The following SLC9B1 variants were observed in gnomAD, a reference collection of about 807,000 sequenced individuals.
The protein encoded by SLC9B1 is solute carrier family 9 member B1.
A neutral mutation model predicts 51.7 loss-of-function variants in SLC9B1; 32 were observed. The ratio of observed to expected loss-of-function variants is 0.62; its 90% CI spans 0.47 to 0.83. The LOEUF is 0.83. SLC9B1 is among the 40% of genes least tolerant of loss of function. The pLI, the probability that SLC9B1 is intolerant of heterozygous loss-of-function variation, is 0.00. For missense variants in SLC9B1, 406 were observed against 613.2 expected (o/e 0.66, Z 3.57); for synonymous variants, 145 against 212.7 (o/e 0.68, Z 2.77).
intron 5 of SLC9B1, among the ~76,000 whole-genome samples, chr4:102,946,366 A>C (rs2110473603): frequency 6.6e-6 from 1 of 152,160 alleles, no homozygotes; most frequent in Admixed American, 6.5e-5. Context: ...GCTGGAGTGC[A>C]GTGGCACTAT....
intron 1 of SLC9B1, among the ~76,000 whole-genome samples, chr4:102,994,910 T>C (rs1740137214): frequency 6.6e-6 from 1 of 152,078 alleles, no homozygotes; most frequent in African/African-American, 2.4e-5. Flanking sequence ...CCCTGACACA[T>C]GGGGATTATT....
chr4:102,974,017 CCT>C (rs1738900595), intron 3 of SLC9B1, among the ~76,000 whole-genome samples: 1 of 151,882 alleles, frequency 6.6e-6, no homozygotes, highest in Non-Finnish European at 1.5e-5. Context: ...GGGCGGATTA[CCT>C]GAGGTCGGGA....
intron 11 of SLC9B1, among the ~76,000 whole-genome samples, chr4:102,902,051 G>A (rs1402573824): frequency 1.3e-5 from 2 of 152,142 alleles, no homozygotes; most frequent in East Asian, 3.8e-4. Context: ...TGCCCTGCCA[G>A]GTCAGAGAAT....
intron 1 of SLC9B1, among the ~76,000 whole-genome samples, chr4:103,006,803 T>G (rs564369805): frequency 1.3e-5 from 2 of 152,204 alleles, no homozygotes; most frequent in East Asian, 3.8e-4. Flanking sequence ...CAAGTAGACT[T>G]TATCCCTGGC....
At chr4:102,900,747 T>C (rs139759632), downstream of SLC9B1, among the ~76,000 whole-genome samples, 4,084 of 152,240 alleles carry the variant, frequency 0.027, 91 homozygotes, top group African/African-American at 0.089. Flanking sequence ...ATTTGGAAAC[T>C]TAGGCTATCT....
chr4:102,918,170 TAAGAAAAAAAATA>T (rs1735682168), intron 7 of SLC9B1, among the ~76,000 whole-genome samples: 1 of 151,150 alleles, frequency 6.6e-6, no homozygotes, highest in South Asian at 2.1e-4. Context: ...CTAGAATATT[TAAGAAAAAAAATA>T]AAGAAGACTC....
intron 1 of SLC9B1, among the ~76,000 whole-genome samples, chr4:103,005,343 A>G (rs1401617168): frequency 6.6e-6 from 1 of 152,124 alleles, no homozygotes; most frequent in East Asian, 1.9e-4. Context: ...ACAGTGATGA[A>G]AAAAGATGAC....
chr4:102,945,306 C>A lies in SLC9B1; in HGVS notation c.540G>T (p.Leu180Phe). Residue 180 changes from leucine to phenylalanine, a missense_variant, in exon 6 of 12, where the codon TTG (leucine) becomes TTT (phenylalanine). Physicochemically the swap from Leu to Phe is conservative, Grantham distance 22 (BLOSUM62 0). This residue lies in a region of SLC9B1 where 250 missense variants were observed against 394.1 expected (regional missense o/e 0.63). Coordinates refer to ENST00000296422, the MANE Select transcript of SLC9B1 (RefSeq NM_139173.4). Reference protein sequence around the residue: ...LGLDPQALRHLKVVCFRLAVG... With the variant: ...LGLDPQALRHFKVVCFRLAVG... ...CAGCCAATCTGAAACAAACGACCTTCAAATGCCTCAAAGCCTGAAACACAA... is the reference window on the plus strand; with the variant it reads ...CAGCCAATCTGAAACAAACGACCTTAAAATGCCTCAAAGCCTGAAACACAA... The A allele has an allele frequency of 6.3e-7, 1 of 1,596,590 alleles. No homozygotes were observed. Among genetic ancestry groups the A allele is most frequent in the Non-Finnish European group, 8.6e-7 (1 of 1,168,672 alleles).
At chr4:102,972,303 G>A (rs141937873) in intron 3 of SLC9B1, among the ~76,000 whole-genome samples, 2,556 of 152,232 alleles carry the variant, frequency 0.017, 72 homozygotes, top group African/African-American at 0.055. Context: ...CTATCAAGTC[G>A]GCTTCATCCC....
chr4:102,979,378 CAGT>C (rs1739234965), intron 3 of SLC9B1, among the ~76,000 whole-genome samples: 2 of 152,254 alleles, frequency 1.3e-5, no homozygotes, highest in East Asian at 3.9e-4. Context: ...TTGTTATTCT[CAGT>C]AGTAAACACA....
At chr4:102,943,109 A>G (rs1170766966) in intron 6 of SLC9B1, among the ~76,000 whole-genome samples, 2 of 151,982 alleles carry the variant, frequency 1.3e-5, no homozygotes, top group South Asian at 2.1e-4. Context: ...GGAAATGCAA[A>G]CAAAACCACA....
intron 6 of SLC9B1, among the ~76,000 whole-genome samples, chr4:102,939,731 G>C (rs1004668644): frequency 3.3e-5 from 5 of 152,224 alleles, no homozygotes; most frequent in Non-Finnish European, 4.4e-5. Context: ...TTATCCCTGG[G>C]ATGCAAGTTT....
intron 2 of SLC9B1, among the ~76,000 whole-genome samples, chr4:102,991,284 T>C (rs1176632036): frequency 1.3e-5 from 2 of 152,144 alleles, no homozygotes; most frequent in East Asian, 3.9e-4. Flanking sequence ...AATAAAAAAC[T>C]TGGGTCTCTT....
At chr4:102,942,260 T>A (rs1737043147) in intron 6 of SLC9B1, among the ~76,000 whole-genome samples, 2 of 152,222 alleles carry the variant, frequency 1.3e-5, no homozygotes, top group South Asian at 2.1e-4. Flanking sequence ...AGAATCAATA[T>A]TGTGAAAATG....
intron 6 of SLC9B1, among the ~76,000 whole-genome samples, chr4:102,934,894 TACTTCAAAAGCA>T (rs1736642831): frequency 6.6e-6 from 1 of 152,140 alleles, no homozygotes; most frequent in Admixed American, 6.5e-5. Context: ...ATTAAAGTAG[TACTTCAAAAGCA>T]ACTTCAAAAG....
At chr4:102,969,218 GC>G (rs1738607672) in intron 3 of SLC9B1, among the ~76,000 whole-genome samples, 1 of 152,096 alleles carries the variant, frequency 6.6e-6, no homozygotes, top group South Asian at 2.1e-4. Flanking sequence ...CTGAGAATGG[GC>G]AGAGCTCCTG....
rs1195280119 is a variant in SLC9B1, at chr4:102,945,241, A to C, written c.605T>G (p.Phe202Cys). 1 of 1,609,322 alleles carries C rather than the reference A, an allele frequency of 6.2e-7. No individual in the cohort carries two copies. The highest frequency in any genetic ancestry group is 1.3e-5 in the African/African-American group (1 of 74,884). Reference protein sequence around the residue: ...CLMEASAAAVFSHFIMKFPWQ... With the variant: ...CLMEASAAAVCSHFIMKFPWQ... ...GGGAAATTTCATAATGAAGTGTGAA[A>C]AAACAGCAGCTGCACTTGCCTCCAT... The change falls in exon 6 of 12, where the codon TTT (phenylalanine) becomes TGT (cysteine). Residue 202 changes from phenylalanine (F) to cysteine (C), a missense_variant. Around this residue, in one of 6 missense-constraint regions of SLC9B1, gnomAD observed 250 missense variants for 394.1 expected, o/e 0.63. Coordinates refer to ENST00000296422, the MANE Select transcript of SLC9B1 (RefSeq NM_139173.4).
At chr4:102,895,929 C>T (rs1734512886), downstream of SLC9B1, among the ~76,000 whole-genome samples, 1 of 152,138 alleles carries the variant, frequency 6.6e-6, no homozygotes, top group African/African-American at 2.4e-5. Flanking sequence ...CAAGCTGAGA[C>T]CCATTAGCTC....
At chr4:102,894,390 A>G (rs1734435041) in intron 11 of SLC9B1, among the ~76,000 whole-genome samples, 1 of 152,210 alleles carries the variant, frequency 6.6e-6, no homozygotes, top group Non-Finnish European at 1.5e-5. Flanking sequence ...ATCAGTATAA[A>G]TATATAGAAA....
Sources: gnomAD v4.1 joint callset for allele counts (sites outside exome capture counted in the v4.1 genomes callset) on GRCh38, gnomAD v4.1.1 for gene constraint, gnomAD v4.1.1 regional missense constraint, MANE v1.5 for transcripts, NCBI Gene and HGNC (gene_info 2026-07-23, HGNC 2026-07-21) for gene names.